Variants in GRIPAP1 observed in about 807,000 individuals in gnomAD.
The protein encoded by GRIPAP1 is GRIP1-associated protein 1.
A neutral mutation model predicts 84.1 loss-of-function variants in GRIPAP1; 14 were observed. The observed-to-expected ratio is 0.17, with a 90% CI of 0.11 to 0.26. The LOEUF (loss-of-function observed/expected upper bound fraction) is 0.26, where lower values mean the gene tolerates loss of function less well. Ranked by LOEUF, GRIPAP1 falls within the 10% of genes least tolerant of loss-of-function variation. The pLI is 1.00. For missense variants in GRIPAP1, 518 were observed against 674.2 expected (o/e 0.77, Z 2.57); for synonymous variants, 261 against 256.8 (o/e 1.02, Z -0.15).
chrX:48,983,513 C>A, intron 15 of GRIPAP1, 73 bp from the exon 16 acceptor site: 2 of 904,470 alleles, frequency 2.2e-6, no homozygotes, highest in Non-Finnish European at 3.2e-6. Context: ...TCTTCCCATG[C>A]CCAAGGAACT....
chrX:48,998,307 T>C, intron 3 of GRIPAP1, 127 bp from the exon 4 acceptor site: 1 of 493,414 alleles, frequency 2.0e-6, no homozygotes. Flanking sequence ...GATGGGAGCA[T>C]CTTCAACCAC....
intron 4 of GRIPAP1, chrX:48,997,936 G>T: frequency 2.3e-6 from 1 of 435,249 alleles, no homozygotes; most frequent in Non-Finnish European, 4.0e-6. Flanking sequence ...GACAGAAAGA[G>T]ACTCAGAGAA....
chrX:48,999,695 C>T (rs2064566763), intron 1 of GRIPAP1, among the ~76,000 whole-genome samples, 191 bp from the exon 2 acceptor site: 1 of 110,900 alleles, frequency 9.0e-6, no homozygotes, highest in Non-Finnish European at 1.9e-5. Context: ...CCTTTTCCAG[C>T]TCCACTTATA....
At chrX:48,979,954 G>C (rs1326067971) in intron 21 of GRIPAP1, among the ~76,000 whole-genome samples, 1 of 111,196 alleles carries the variant, frequency 9.0e-6, no homozygotes, top group Admixed American at 9.6e-5. Flanking sequence ...TTTAAAGAAA[G>C]GTTACTTCAG....
intron 17 of GRIPAP1, among the ~76,000 whole-genome samples, chrX:48,982,125 A>C (rs1231902770): frequency 8.9e-6 from 1 of 112,549 alleles, no homozygotes; most frequent in Non-Finnish European, 1.9e-5. Flanking sequence ...AGAATGTTCT[A>C]AGGGTTTTAC....
chrX:48,974,318 A>G (rs2064411098), intron 25 of GRIPAP1, 33 bp from the exon 26 acceptor site: 3 of 983,847 alleles, frequency 3.0e-6, no homozygotes, highest in Non-Finnish European at 4.3e-6. Context: ...GGGGCCAGAG[A>G]AGGGGACAGG....
At chrX:48,993,181 CT>C (rs1349288265) in intron 6 of GRIPAP1, among the ~76,000 whole-genome samples, 2 of 113,048 alleles carry the variant, frequency 1.8e-5, no homozygotes, top group Non-Finnish European at 3.7e-5. Flanking sequence ...GTACCAGACA[CT>C]GAACTAATGC....
At chrX:48,990,884 C>A (rs202036624) in intron 7 of GRIPAP1, 42 bp downstream of exon 7, 1 of 1,071,891 alleles carries the variant, frequency 9.3e-7, no homozygotes, top group East Asian at 3.0e-5. Flanking sequence ...AGAACATCTG[C>A]CCTGCCTTCT....
intron 14 of GRIPAP1, among the ~76,000 whole-genome samples, chrX:48,984,783 G>C (rs1557063273): frequency 9.3e-6 from 1 of 107,528 alleles, no homozygotes; most frequent in Non-Finnish European, 1.9e-5. Flanking sequence ...AGCACTTCGG[G>C]AGGCCGAGGC....
chrX:48,990,128 G>GT lies in GRIPAP1; in HGVS notation c.691-126dup, dbSNP rs781974640. The GT allele has an allele frequency of 7.1e-5, 39 of 551,029 alleles. No homozygotes were observed. The South Asian group carries it at 1.2e-3, about 17-fold the overall frequency. The allele number at this position is 551,029 out of a possible 1,213,427, so 45.4% of individuals were successfully genotyped here. ...AGCCAGGATTTACTTATGTTGTCTTGTGGAATCCTCAAAATAGCCCTGACA... is the reference window on the plus strand; with the variant it reads ...AGCCAGGATTTACTTATGTTGTCTTGTTGGAATCCTCAAAATAGCCCTGACA... On this transcript the variant is annotated intron_variant, in intron 8 of 25. Transcript: ENST00000376423.
intron 25 of GRIPAP1, 108 bp downstream of exon 25, chrX:48,975,047 A>T: frequency 1.5e-6 from 1 of 655,051 alleles, no homozygotes; most frequent in Non-Finnish European, 2.3e-6. Flanking sequence ...AGCTGGGAGG[A>T]CAGGCTGGGT....
chrX:48,991,672 T>C (rs2064521128), intron 6 of GRIPAP1, among the ~76,000 whole-genome samples: 1 of 112,293 alleles, frequency 8.9e-6, no homozygotes, highest in South Asian at 3.6e-4. Context: ...ACCCCGTCTC[T>C]ACTAAAAATA....
intron 21 of GRIPAP1, 21 bp from the exon 22 acceptor site, chrX:48,978,456 A>G (rs782591560): frequency 1.7e-5 from 20 of 1,178,026 alleles, no homozygotes; most frequent in Non-Finnish European, 2.1e-5. Flanking sequence ...GAGGGAAGAG[A>G]AACTTGAGCC....
intron 8 of GRIPAP1, among the ~76,000 whole-genome samples, 194 bp from the exon 9 acceptor site, chrX:48,990,197 AAAGGTT>A (rs1241188312): frequency 1.8e-5 from 2 of 111,821 alleles, no homozygotes; most frequent in African/African-American, 6.5e-5. Flanking sequence ...AGAGTCTTGG[AAAGGTT>A]AAGTAATTTG....
chrX:48,975,990 G>A (rs1251650847), intron 24 of GRIPAP1, 28 bp downstream of exon 24: 1 of 1,157,541 alleles, frequency 8.6e-7, no homozygotes, highest in South Asian at 1.8e-5. Context: ...GCTGGACCAG[G>A]GCTGAGGGCC....
intron 5 of GRIPAP1, among the ~76,000 whole-genome samples, chrX:48,995,584 G>A (rs1231934315): frequency 9.0e-6 from 1 of 110,928 alleles, no homozygotes; most frequent in African/African-American, 3.3e-5. Context: ...AGGGCCACAG[G>A]GTGGATATAA....
intron 5 of GRIPAP1, among the ~76,000 whole-genome samples, chrX:48,994,934 A>C (rs1436562795): frequency 9.0e-6 from 1 of 111,645 alleles, no homozygotes; most frequent in African/African-American, 3.3e-5. Flanking sequence ...GCACCATATA[A>C]ATGTCAGCTA....
intron 6 of GRIPAP1, 151 bp from the exon 7 acceptor site, chrX:48,991,261 C>T: frequency 6.7e-6 from 3 of 446,472 alleles, no homozygotes; most frequent in Non-Finnish European, 1.2e-5. Context: ...AGGTTCAGCT[C>T]TATCCATGCC....
At chrX:48,991,745 C>G (rs1308942286) in intron 6 of GRIPAP1, among the ~76,000 whole-genome samples, 3 of 111,699 alleles carry the variant, frequency 2.7e-5, no homozygotes, top group Non-Finnish European at 5.7e-5. Context: ...GGGGCTGAGG[C>G]AGGAGAATCG....
Sources: allele counts gnomAD v4.1 joint callset (sites outside exome capture counted in the v4.1 genomes callset), GRCh38; gene constraint gnomAD v4.1.1; transcripts MANE v1.5; gene names NCBI Gene and HGNC (gene_info 2026-07-23, HGNC 2026-07-21).